IL12RB2: variants seen among roughly 807,000 people sequenced by gnomAD.
IL12RB2 encodes interleukin-12 receptor subunit beta-2.
IL12RB2 carries 82 observed loss-of-function variants against 89.4 expected under a neutral mutation model. The observed-to-expected ratio is 0.92, with a 90% CI of 0.77 to 1.10. The LOEUF is 1.10. Among genes scored for constraint, IL12RB2 ranks in the 50% least tolerant of loss-of-function variants. The pLI, the probability that IL12RB2 is intolerant of heterozygous loss-of-function variation, is 0.00. For synonymous variants in IL12RB2, 368 were observed against 370.1 expected (o/e 0.99, Z 0.07); for missense variants, 963 against 1,031.9 (o/e 0.93, Z 0.92).
At chr1:67,311,987 G>T (rs2100510819) in intron 1 of IL12RB2, among the ~76,000 whole-genome samples, 1 of 152,296 alleles carries the variant, frequency 6.6e-6, no homozygotes, top group East Asian at 1.9e-4. Context: ...TCCTGCCATT[G>T]TCCACAAACA....
chr1:67,348,392 G>A (rs1157138219), intron 9 of IL12RB2, among the ~76,000 whole-genome samples: 2 of 152,152 alleles, frequency 1.3e-5, no homozygotes, highest in African/African-American at 2.4e-5. Flanking sequence ...GGAGCAGCAC[G>A]TCATAACAGA....
chr1:67,394,701 C>T (rs928971473), intron 16 of IL12RB2, among the ~76,000 whole-genome samples: 3 of 152,024 alleles, frequency 2.0e-5, no homozygotes, highest in South Asian at 2.1e-4. Flanking sequence ...GTGATGTGAC[C>T]GCCTCCTATT....
intron 8 of IL12RB2, among the ~76,000 whole-genome samples, chr1:67,337,120 C>T (rs746389): frequency 0.48 from 73,387 of 152,026 alleles, 20,292 homozygotes; most frequent in Non-Finnish European, 0.6. Context: ...TGGATGGGCC[C>T]ACACAGCACC....
At chr1:67,323,091 A>G (rs987718266) in intron 4 of IL12RB2, among the ~76,000 whole-genome samples, 2 of 152,216 alleles carry the variant, frequency 1.3e-5, no homozygotes, top group East Asian at 1.9e-4. Flanking sequence ...ATAGAGCTCA[A>G]TGAGACTCTG....
At chr1:67,385,766 G>C (rs994851087) in intron 14 of IL12RB2, among the ~76,000 whole-genome samples, 1 of 152,150 alleles carries the variant, frequency 6.6e-6, no homozygotes, top group Non-Finnish European at 1.5e-5. Context: ...CTAGATAAAG[G>C]CTTATGCTAT....
chr1:67,351,015 T>G lies in IL12RB2; in HGVS notation c.1184T>G (p.Val395Gly), dbSNP rs138704365. The G allele has an allele frequency of 8.1e-6, 13 of 1,613,970 alleles. No individual in the cohort carries two copies. The African/African-American group carries it at 1.2e-4, about 15-fold the overall frequency. Residue 395 changes from valine (V) to glycine (G), a missense_variant, in exon 10 of 17, where the codon GTG becomes GGG. Coordinates refer to ENST00000674203, the MANE Select transcript of IL12RB2 (RefSeq NM_001374259.2). Reference sequence around the variant, plus strand: ...ATTCCTAGAACCGGAAATTGGGCTGTGGCTGTGTCTGCAGCAAATTCAAAA... The same window carrying G: ...ATTCCTAGAACCGGAAATTGGGCTGGGGCTGTGTCTGCAGCAAATTCAAAA... ...TVIPRTGNWA[V>G]AVSAANSKGS...
At chr1:67,355,850 T>C (rs1661336519) in intron 10 of IL12RB2, among the ~76,000 whole-genome samples, 1 of 152,166 alleles carries the variant, frequency 6.6e-6, no homozygotes, top group Admixed American at 6.5e-5. Context: ...GCAAACATCA[T>C]GAGAGAGGAA....
chr1:67,383,024 G>A (rs1038437916), intron 14 of IL12RB2, among the ~76,000 whole-genome samples: 11 of 152,050 alleles, frequency 7.2e-5, no homozygotes, highest in Admixed American at 1.3e-4. Context: ...CTGTTCTCAC[G>A]CTGCTATAAG....
At chr1:67,365,366 A>G (rs1260454167) in intron 10 of IL12RB2, among the ~76,000 whole-genome samples, 1 of 152,188 alleles carries the variant, frequency 6.6e-6, no homozygotes, top group Non-Finnish European at 1.5e-5. Flanking sequence ...CTTTAAAAAG[A>G]TCAATAAAAT....
intron 14 of IL12RB2, among the ~76,000 whole-genome samples, chr1:67,383,056 T>C (rs1664771826): frequency 6.6e-6 from 1 of 152,102 alleles, no homozygotes; most frequent in South Asian, 2.1e-4. Context: ...GACTGGATAA[T>C]TTATAAAGGG....
intron 8 of IL12RB2, among the ~76,000 whole-genome samples, chr1:67,334,571 C>T (rs1285439337): frequency 1.3e-5 from 2 of 152,148 alleles, no homozygotes; most frequent in African/African-American, 2.4e-5. Context: ...CTCCGCCTCC[C>T]GGGTTCACGC....
intron 4 of IL12RB2, among the ~76,000 whole-genome samples, chr1:67,322,919 G>A (rs564015983): frequency 6.6e-6 from 1 of 152,224 alleles, no homozygotes; most frequent in Non-Finnish European, 1.5e-5. Context: ...AATCCTATAA[G>A]CAAGCATGGG....
chr1:67,390,179 C>T (rs1156992549), intron 16 of IL12RB2, 51 bp downstream of exon 16: 3 of 866,122 alleles, frequency 3.5e-6, no homozygotes, highest in African/African-American at 3.3e-5. Flanking sequence ...GTGATCACCA[C>T]ATCTAAGTTT....
chr1:67,319,893 C>T (rs1041321082), intron 2 of IL12RB2, among the ~76,000 whole-genome samples: 2 of 152,078 alleles, frequency 1.3e-5, no homozygotes, highest in African/African-American at 4.8e-5. Context: ...CAGAGAGCTC[C>T]GTTGTCCCTT....
At chr1:67,374,013 G>A (rs918561458) in intron 13 of IL12RB2, among the ~76,000 whole-genome samples, 21 of 152,062 alleles carry the variant, frequency 1.4e-4, no homozygotes, top group African/African-American at 4.1e-4. Flanking sequence ...AAGAAAATTC[G>A]TCTTCCCTTC....
chr1:67,341,600 A>G (rs553099693), intron 9 of IL12RB2, among the ~76,000 whole-genome samples: 3 of 152,146 alleles, frequency 2.0e-5, no homozygotes, highest in Admixed American at 6.5e-5. Flanking sequence ...AAGGAAGGAA[A>G]GAAAGAGAAA....
intron 2 of IL12RB2, among the ~76,000 whole-genome samples, chr1:67,317,345 G>A (rs1234360706): frequency 1.3e-5 from 2 of 152,214 alleles, no homozygotes; most frequent in Non-Finnish European, 2.9e-5. Flanking sequence ...CATTTTAACA[G>A]TGACTCACAA....
chr1:67,341,546 A>AAAG (rs1659584985), intron 9 of IL12RB2, among the ~76,000 whole-genome samples: 1 of 91,962 alleles, frequency 1.1e-5, no homozygotes, highest in Non-Finnish European at 2.0e-5. Context: ...AAAGAAAGAA[A>AAAG]GAAAGAAAGA....
rs1265674625 is a variant in IL12RB2, at chr1:67,377,773, T to G, written c.1718-2213T>G. ...CCTCAGCACAGGTCACAGATCCTATTGTAATTTGTGTTTCTTTTTCAACCT... is the reference window on the plus strand; with the variant it reads ...CCTCAGCACAGGTCACAGATCCTATGGTAATTTGTGTTTCTTTTTCAACCT... On this transcript the variant is annotated intron_variant, in intron 13 of 16. Transcript: ENST00000674203. Among the ~76,000 whole-genome samples the G allele has an allele frequency of 5.4e-5, 8 of 148,654 alleles. No individual in the cohort carries two copies. In the Admixed American group the frequency reaches 5.6e-4, roughly 10 times the overall value.
Sources: gnomAD v4.1 joint callset for allele counts (sites outside exome capture counted in the v4.1 genomes callset) on GRCh38, gnomAD v4.1.1 for gene constraint, MANE v1.5 for transcripts, NCBI Gene and HGNC (gene_info 2026-07-23, HGNC 2026-07-21) for gene names.